MBTD1: variants seen among roughly 807,000 people sequenced by gnomAD.
MBTD1 encodes the protein mbt domain containing 1, also known as MBT domain-containing protein 1.
A neutral mutation model predicts 87.8 loss-of-function variants in MBTD1; 24 were observed. That is an observed-to-expected ratio of 0.27 (90% CI 0.20 to 0.38). The LOEUF (loss-of-function observed/expected upper bound fraction) is 0.38, where lower values mean the gene tolerates loss of function less well. Among genes scored for constraint, MBTD1 ranks in the 10% least tolerant of loss-of-function variants. The pLI is 1.00. For missense variants in MBTD1, 436 were observed against 760.2 expected (o/e 0.57, Z 5.02); for synonymous variants, 237 against 248.6 (o/e 0.95, Z 0.44).
intron 1 of MBTD1, among the ~76,000 whole-genome samples, 185 bp downstream of exon 1, chr17:51,259,650 G>C (rs1185842284): frequency 6.7e-6 from 1 of 149,682 alleles, no homozygotes; most frequent in Non-Finnish European, 1.5e-5. Flanking sequence ...ACGGGGTGGG[G>C]GGAGGGGAAC....
chr17:51,229,549 A>G (rs1399742080), intron 2 of MBTD1, among the ~76,000 whole-genome samples: 1 of 152,156 alleles, frequency 6.6e-6, no homozygotes, highest in Non-Finnish European at 1.5e-5. Context: ...AAGCTACAAA[A>G]ACTGATTTCT....
chr17:51,217,324 C>G lies in MBTD1; in HGVS notation c.486+10G>C. The G allele has an allele frequency of 6.8e-7, 1 of 1,478,340 alleles. No homozygotes were observed. The allele number at this position is 1,478,340 out of a possible 1,614,324, so 91.6% of individuals were successfully genotyped here. A position where few individuals can be genotyped will look rare whatever the true frequency, so the allele number is the denominator to read the frequency against. On this transcript the variant is annotated intron_variant, in intron 6 of 16. Coordinates refer to ENST00000586178, the MANE Select transcript of MBTD1 (RefSeq NM_017643.3). ...GTACTTCAAAATAAGGTGAGAAATT[C>G]TGTACTTACATGTTTAAAACAGGTA...
intron 13 of MBTD1, among the ~76,000 whole-genome samples, chr17:51,194,184 TTCC>T (rs753109030): frequency 7.9e-5 from 12 of 152,350 alleles, no homozygotes; most frequent in Non-Finnish European, 1.3e-4. Context: ...TGTTATAGCT[TTCC>T]TCCTTTCTTA....
At chr17:51,215,927 A>ATTTTTT (rs35988235) in intron 6 of MBTD1, among the ~76,000 whole-genome samples, 7 of 114,198 alleles carry the variant, frequency 6.1e-5, no homozygotes, top group East Asian at 2.4e-4. Context: ...TAAAGCCCTA[A>ATTTTTT]TTTTTTTTTT....
At position 51,180,250 on chromosome 17, in the gene MBTD1, GCTACCTAAA is replaced by G. The variant is rs1456977869; in HGVS notation, c.*317_*325del. On this transcript the variant is annotated 3_prime_UTR_variant, in exon 17 of 17. Transcript: ENST00000586178. The stretch of plus-strand genomic sequence containing the variant: ...TTCTTAAATCATTTCCTTCAATCCT[GCTACCTAAA>G]CTTTAATGTTACCAAAAAAGTTAGA... 4.7e-6 allele frequency: 1 copy of G among 211,424 alleles called. No individual in the cohort carries two copies. The highest frequency in any genetic ancestry group is 9.3e-6 in the Non-Finnish European group (1 of 107,200). The allele number at this position is 211,424 out of a possible 1,614,324, so 13.1% of individuals were successfully genotyped here.
intron 5 of MBTD1, among the ~76,000 whole-genome samples, chr17:51,218,081 A>G (rs980313860): frequency 6.6e-6 from 1 of 152,026 alleles, no homozygotes; most frequent in Non-Finnish European, 1.5e-5. Flanking sequence ...TACCTACCCC[A>G]TATCACTTTT....
intron 2 of MBTD1, among the ~76,000 whole-genome samples, chr17:51,241,048 G>A (rs1473901175): frequency 1.3e-5 from 2 of 151,702 alleles, no homozygotes; most frequent in African/African-American, 2.4e-5. Context: ...GCGTGATTTC[G>A]GCTCACTGCA....
chr17:51,184,850 A>T (rs931901160), intron 16 of MBTD1: 1 of 152,236 alleles, frequency 6.6e-6, no homozygotes, highest in Admixed American at 6.5e-5. Flanking sequence ...GGAAACAGGA[A>T]CGCTCTTTAG....
chr17:51,240,409 G>C (rs2054097928), intron 2 of MBTD1, among the ~76,000 whole-genome samples: 2 of 152,120 alleles, frequency 1.3e-5, no homozygotes, highest in African/African-American at 4.8e-5. Flanking sequence ...AGCTTCTCTT[G>C]GTTGTGAGAA....
intron 2 of MBTD1, among the ~76,000 whole-genome samples, chr17:51,258,669 T>A (rs2055243392): frequency 6.6e-6 from 1 of 152,166 alleles, no homozygotes; most frequent in Non-Finnish European, 1.5e-5. Context: ...TCCTTAGAAG[T>A]GATTTAGGTA....
rs757729880 is a variant in MBTD1 at position 51,192,933 on chromosome 17, T to C, written c.1539A>G (p.Thr513=). 11 of 1,614,196 alleles carry C rather than the reference T, an allele frequency of 6.8e-6. No individual in the cohort carries two copies. Among genetic ancestry groups the C allele is most frequent in the Non-Finnish European group, 9.3e-6 (11 of 1,180,008 alleles). Residue 513 remains threonine (T), a synonymous_variant, in exon 15 of 17, where the codon ACA becomes ACG. Transcript: ENST00000586178. ...AGAGACGATGAATAATTCGAGTTAC[T>C]GTGGCTACACATATTAAACGTGGCT... The part of the protein sequence containing the change: ...LMEPRLICVA[T]VTRIIHRLLR...
chr17:51,230,663 G>C (rs2053498382), intron 2 of MBTD1, among the ~76,000 whole-genome samples: 1 of 152,182 alleles, frequency 6.6e-6, no homozygotes, highest in Non-Finnish European at 1.5e-5. Flanking sequence ...GCAAGACGAG[G>C]GCTTTTGGGC....
At chr17:51,184,275 T>C (rs1379109625) in intron 16 of MBTD1, 2 of 152,240 alleles carry the variant, frequency 1.3e-5, no homozygotes, top group Admixed American at 6.5e-5. Context: ...GATCCTGTGG[T>C]TGAATGTCAC....
At chr17:51,228,333 AC>A (rs1445231985) in intron 2 of MBTD1, among the ~76,000 whole-genome samples, 2 of 152,148 alleles carry the variant, frequency 1.3e-5, no homozygotes, top group African/African-American at 4.8e-5. Context: ...CCCATGACAC[AC>A]ATTTACCCAC....
intron 6 of MBTD1, among the ~76,000 whole-genome samples, chr17:51,208,419 G>C (rs868744821): frequency 1.3e-5 from 2 of 152,132 alleles, no homozygotes; most frequent in Non-Finnish European, 2.9e-5. Context: ...TGAAAGACTG[G>C]ACTCTTCAGG....
intron 2 of MBTD1, among the ~76,000 whole-genome samples, chr17:51,242,362 A>T (rs1328302887): frequency 6.6e-6 from 1 of 152,208 alleles, no homozygotes; most frequent in African/African-American, 2.4e-5. Context: ...GCTCTTAACA[A>T]AACCTATCTA....
intron 16 of MBTD1, among the ~76,000 whole-genome samples, chr17:51,181,716 G>A (rs1390521942): frequency 6.6e-6 from 1 of 152,200 alleles, no homozygotes; most frequent in Admixed American, 6.5e-5. Flanking sequence ...GGTGGCTAAT[G>A]CTTACAGTCC....
rs1361720728 is a variant in MBTD1, at chr17:51,245,535, C to T, written c.-49+13608G>A. Reference sequence around the variant, plus strand: ...TATATTTAGATCTAATGTGTCTGGACTTTATTATTATGTATAGCATGAAGA... The same window carrying T: ...TATATTTAGATCTAATGTGTCTGGATTTTATTATTATGTATAGCATGAAGA... On this transcript the variant is annotated intron_variant, in intron 2 of 16. Coordinates refer to ENST00000586178, the MANE Select transcript of MBTD1 (RefSeq NM_017643.3). Among the ~76,000 whole-genome samples the T allele has an allele frequency of 2.0e-5, 3 of 151,248 alleles. No homozygotes were observed. The South Asian group carries it at 6.3e-4, about 32-fold the overall frequency.
At chr17:51,209,983 T>C (rs1186413509) in intron 6 of MBTD1, among the ~76,000 whole-genome samples, 1 of 152,248 alleles carries the variant, frequency 6.6e-6, no homozygotes, top group East Asian at 1.9e-4. Flanking sequence ...GAAAAACTGT[T>C]CCTGCCTTCT....
Sources: gnomAD v4.1 joint callset for allele counts (sites outside exome capture counted in the v4.1 genomes callset) on GRCh38, gnomAD v4.1.1 for gene constraint, MANE v1.5 for transcripts, NCBI Gene and HGNC (gene_info 2026-07-23, HGNC 2026-07-21) for gene names.